TMEM62: variants seen among roughly 807,000 people sequenced by gnomAD.
TMEM62 encodes transmembrane protein 62.
Under a neutral mutation model 70.4 loss-of-function variants are expected in TMEM62, and 41 were observed. The observed-to-expected ratio is 0.58, with a 90% CI of 0.45 to 0.76. The LOEUF (loss-of-function observed/expected upper bound fraction) is 0.76. Ranked by LOEUF, TMEM62 falls within the 30% of genes least tolerant of loss-of-function variation. The probability of loss-of-function intolerance (pLI) is 0.00; values close to 1 mark genes in which losing one functional copy is unlikely to be tolerated. For synonymous variants in TMEM62, 268 were observed against 291.0 expected, an observed-to-expected ratio of 0.92 and a Z score of 0.80; for missense variants, 688 against 788.5, an observed-to-expected ratio of 0.87 and a Z score of 1.53.
intron 10 of TMEM62, among the ~76,000 whole-genome samples, chr15:43,167,198 C>G (rs1421627760): frequency 6.6e-6 from 1 of 151,034 alleles, no homozygotes; most frequent in Non-Finnish European, 1.5e-5. Context: ...GACGGGTCGG[C>G]TGGCCGGGCG....
chr15:43,147,127 C>T (rs1416086021), intron 5 of TMEM62, among the ~76,000 whole-genome samples: 1 of 152,144 alleles, frequency 6.6e-6, no homozygotes, highest in East Asian at 1.9e-4. Flanking sequence ...CCATGCCCAG[C>T]TAATTTTTGC....
chr15:43,138,084 C>T (rs995072329), intron 3 of TMEM62, among the ~76,000 whole-genome samples: 3 of 152,200 alleles, frequency 2.0e-5, no homozygotes, highest in Non-Finnish European at 4.4e-5. Context: ...GAGCTTGGGA[C>T]CTAAGTCCAT....
chr15:43,162,284 T>C lies in TMEM62; in HGVS notation c.1296+1490T>C, dbSNP rs540915740. ...TCCCAAGTAGCTGGGACTACAGGTG[T>C]CCCCGACCACGTCCAGCTTTTTTTT... is the stretch of plus-strand genomic sequence containing the variant. On this transcript the variant is annotated intron_variant, in intron 10 of 13. Coordinates refer to ENST00000260403, the MANE Select transcript of TMEM62 (RefSeq NM_024956.4). Among the ~76,000 whole-genome samples, 760 of 147,982 alleles carry C rather than the reference T, an allele frequency of 5.1e-3. 5 individuals carry two copies. The highest frequency in any genetic ancestry group is 0.018 in the African/African-American group (730 of 40,118).
rs1365349953 is a variant in TMEM62 at position 43,151,892 on chromosome 15, T to C, written c.969T>C (p.Tyr323=). ...VLITNPKSLL[Y]SCGEHEPLER... ...TCACCAATCCTAAATCACTCCTTTATAGTTGTGGTGAACATGAACCACTAG... is the reference window on the plus strand; with the variant it reads ...TCACCAATCCTAAATCACTCCTTTACAGTTGTGGTGAACATGAACCACTAG... The change falls in exon 8 of 14, where the codon TAT becomes TAC. Residue 323 remains tyrosine (Y), a synonymous_variant. Transcript: ENST00000260403. 3.1e-6 allele frequency: 5 copies of C among 1,613,708 alleles called. No individual in the cohort carries two copies. The highest frequency in any genetic ancestry group is 2.7e-5 in the African/African-American group (2 of 74,918).
chr15:43,151,293 G>C (rs1256875710), intron 7 of TMEM62, among the ~76,000 whole-genome samples: 1 of 148,616 alleles, frequency 6.7e-6, no homozygotes, highest in Non-Finnish European at 1.5e-5. Context: ...CCTGGGTGAC[G>C]GAGTGAGACT....
rs2037440256 is a variant in TMEM62 at position 43,151,906 on chromosome 15, A to G, written c.983A>G (p.His328Arg). 6.2e-7 allele frequency: 1 copy of G among 1,613,530 alleles called. No homozygotes were observed. Among genetic ancestry groups the G allele is most frequent in the South Asian group, 1.1e-5 (1 of 91,010 alleles). The change falls in exon 8 of 14, where the codon CAT becomes CGT. Residue 328 changes from histidine (H) to arginine (R), a missense_variant. Coordinates refer to ENST00000260403, the MANE Select transcript of TMEM62 (RefSeq NM_024956.4). ...PKSLLYSCGE[H>R]EPLERLLHST... The stretch of plus-strand genomic sequence containing the variant: ...TCACTCCTTTATAGTTGTGGTGAAC[A>G]TGAACCACTAGAAAGACTTCTTCAC...
At chr15:43,146,024 A>G (rs1322098166) in intron 4 of TMEM62, 2 of 152,874 alleles carry the variant, frequency 1.3e-5, no homozygotes, top group Non-Finnish European at 2.9e-5. Context: ...CCAGACCTAG[A>G]CTAATATTTT....
intron 10 of TMEM62, among the ~76,000 whole-genome samples, chr15:43,163,441 G>A (rs2038992826): frequency 6.6e-6 from 1 of 151,492 alleles, no homozygotes; most frequent in South Asian, 2.1e-4. Context: ...ACCTAAATTA[G>A]GCTTGGGGAA....
intron 5 of TMEM62, among the ~76,000 whole-genome samples, chr15:43,147,595 G>T (rs1277487141): frequency 6.6e-6 from 1 of 152,174 alleles, no homozygotes; most frequent in African/African-American, 2.4e-5. Context: ...GAAGTAAGAG[G>T]TTCAGAGTTA....
At chr15:43,176,818 T>C (rs1371183380) in intron 11 of TMEM62, among the ~76,000 whole-genome samples, 1 of 151,892 alleles carries the variant, frequency 6.6e-6, no homozygotes, top group Non-Finnish European at 1.5e-5. Context: ...TCACCAGCAA[T>C]GGAACAAAGC....
At position 43,151,911 on chromosome 15, in the gene TMEM62, C is replaced by A. The variant is rs750082475; in HGVS notation, c.988C>A (p.Pro330Thr). The A allele has an allele frequency of 6.8e-6, 11 of 1,613,128 alleles. No homozygotes were observed. The highest frequency in any genetic ancestry group is 9.3e-6 in the Non-Finnish European group (11 of 1,179,564). ...SLLYSCGEHEPLERLLHSTHI... is the reference protein window; with the variant it reads ...SLLYSCGEHETLERLLHSTHI... ...CCTTTATAGTTGTGGTGAACATGAA[C>A]CACTAGAAAGACTTCTTCACTCAAC... Residue 330 changes from proline (P) to threonine (T), a missense_variant, in exon 8 of 14, where the codon CCA (proline) becomes ACA (threonine). Physicochemically the swap from Pro to Thr is conservative, Grantham distance 38. Coordinates refer to ENST00000260403, the MANE Select transcript of TMEM62 (RefSeq NM_024956.4).
rs186493932 is a variant in TMEM62, at chr15:43,140,621, C to T, written c.476+2002C>T. ...TAGAAGGAGTAGAAACTGCCTTGTA[C>T]GTGACACTAGATTTGTACCTCTTTT... On this transcript the variant is annotated intron_variant, in intron 4 of 13. Coordinates refer to ENST00000260403, the MANE Select transcript of TMEM62 (RefSeq NM_024956.4). Among the ~76,000 whole-genome samples, 208 of 152,264 alleles carry T rather than the reference C, an allele frequency of 1.4e-3. 2 individuals carry two copies. The highest frequency in any genetic ancestry group is 5.0e-4 in the Non-Finnish European group (34 of 68,022).
At chr15:43,135,402 C>G in intron 2 of TMEM62, 110 bp from the exon 3 acceptor site, 1 of 1,110,474 alleles carries the variant, frequency 9.0e-7, no homozygotes, top group African/African-American at 1.6e-5. Context: ...TATGCTTATA[C>G]ACGTTGAGTG....
intron 5 of TMEM62, among the ~76,000 whole-genome samples, chr15:43,148,287 T>C (rs911313853): frequency 2.6e-5 from 4 of 152,230 alleles, no homozygotes; most frequent in Non-Finnish European, 5.9e-5. Context: ...TATCAGTAGT[T>C]CTTTCCTTTC....
intron 10 of TMEM62, among the ~76,000 whole-genome samples, chr15:43,168,503 G>C (rs950077116): frequency 2.0e-5 from 3 of 152,184 alleles, no homozygotes; most frequent in African/African-American, 7.2e-5. Context: ...GCTGAGTCTA[G>C]AAATGCCATC....
Position 43,135,496 on chromosome 15 carries a change from T to G in TMEM62, c.293-16T>G, listed in dbSNP as rs185581026. On this transcript the variant is annotated splice_polypyrimidine_tract_variant and intron_variant, in intron 2 of 13. Coordinates refer to ENST00000260403, the MANE Select transcript of TMEM62 (RefSeq NM_024956.4). ...TTTATTTTGCATTGTGATTCAATTCTTGTGTAAACCTACAGGAGACCTGAC... is the reference window on the plus strand; with the variant it reads ...TTTATTTTGCATTGTGATTCAATTCGTGTGTAAACCTACAGGAGACCTGAC... The G allele has an allele frequency of 1.4e-5, 22 of 1,574,708 alleles. No individual in the cohort carries two copies. In the East Asian group the frequency reaches 4.5e-4, roughly 32 times the overall value.
At position 43,138,551 on chromosome 15, in the gene TMEM62, CTTTTT is replaced by C; in HGVS notation, c.431-12_431-8del. ...TTTTTTTAATGTGGATGAATGTTTG[CTTTTT>C]TTTTTTTTTTAAATTAGATGCATTC... On this transcript the variant is annotated intron_variant, in intron 3 of 13. Transcript: ENST00000260403. The C allele has an allele frequency of 7.6e-7, 1 of 1,317,472 alleles. No individual in the cohort carries two copies. The highest frequency in any genetic ancestry group is 1.1e-6 in the Non-Finnish European group (1 of 950,582). 81.6% of individuals were successfully genotyped at this position (1,317,472 alleles called of 1,614,324 possible). A position where few individuals can be genotyped will look rare whatever the true frequency, so the allele number is the denominator to read the frequency against.
intron 3 of TMEM62, among the ~76,000 whole-genome samples, chr15:43,137,194 T>G (rs1225926139): frequency 6.6e-6 from 1 of 152,256 alleles, no homozygotes; most frequent in Admixed American, 6.5e-5. Context: ...ATTTGTTTGA[T>G]TTATAAAGGT....
chr15:43,144,319 A>G (rs1344344517), intron 4 of TMEM62, among the ~76,000 whole-genome samples: 2 of 152,248 alleles, frequency 1.3e-5, no homozygotes, highest in African/African-American at 4.8e-5. Context: ...GAGGACTAGT[A>G]TGACACTGGA....
Sources: allele counts gnomAD v4.1 joint callset (sites outside exome capture counted in the v4.1 genomes callset), GRCh38; gene constraint gnomAD v4.1.1; transcripts MANE v1.5; gene names NCBI Gene and HGNC (gene_info 2026-07-23, HGNC 2026-07-21).